NKAIN2: variants seen among roughly 807,000 people sequenced by gnomAD.
NKAIN2 encodes the protein sodium/potassium-transporting ATPase subunit beta-1-interacting protein 2.
Under a neutral mutation model 32.6 loss-of-function variants are expected in NKAIN2, and 14 were observed. That is an observed-to-expected ratio of 0.43 (90% CI 0.28 to 0.67). The LOEUF is 0.67. NKAIN2 is among the 30% of genes least tolerant of loss of function. NKAIN2 has a pLI of 0.17. For synonymous variants in NKAIN2, 80 were observed against 87.2 expected (o/e 0.92, Z 0.46); for missense variants, 198 against 258.3 (o/e 0.77, Z 1.60).
intron 1 of NKAIN2, among the ~76,000 whole-genome samples, chr6:124,235,052 G>A (rs1367839249): frequency 6.6e-6 from 1 of 152,056 alleles, no homozygotes; most frequent in African/African-American, 2.4e-5. Context: ...CCTACTTTCT[G>A]GCCAAAGCTT....
At chr6:124,346,832 A>G (rs1191828377) in intron 2 of NKAIN2, among the ~76,000 whole-genome samples, 1 of 151,920 alleles carries the variant, frequency 6.6e-6, no homozygotes, top group Admixed American at 6.5e-5. Context: ...TAGTCCATTT[A>G]CATTTAAAGT....
chr6:124,322,227 A>G (rs1797228383), intron 2 of NKAIN2, among the ~76,000 whole-genome samples: 1 of 152,196 alleles, frequency 6.6e-6, no homozygotes, highest in African/African-American at 2.4e-5. Flanking sequence ...GAAGGTGATG[A>G]TTTAAAAAAT....
At chr6:124,371,666 C>T (rs569396535) in intron 3 of NKAIN2, among the ~76,000 whole-genome samples, 1 of 136,548 alleles carries the variant, frequency 7.3e-6, no homozygotes, top group African/African-American at 2.7e-5. Context: ...TGCACTCCAG[C>T]CTGGGGGAGA....
chr6:123,892,778 C>T (rs761608215), intron 1 of NKAIN2, among the ~76,000 whole-genome samples: 1 of 151,622 alleles, frequency 6.6e-6, no homozygotes, highest in Admixed American at 6.6e-5. Context: ...TACAGACTAG[C>T]ATGTACAGAT....
chr6:124,549,201 C>T (rs1171472107), intron 3 of NKAIN2, among the ~76,000 whole-genome samples: 4 of 152,178 alleles, frequency 2.6e-5, no homozygotes, highest in African/African-American at 9.6e-5. Context: ...CCCGTCTCTA[C>T]TAAAAATACA....
At position 124,622,918 on chromosome 6, in the gene NKAIN2, AG is replaced by A. The variant is rs146204491; in HGVS notation, c.274-35263del. 5.9e-3 allele frequency among the ~76,000 whole-genome samples: 892 copies of A among 152,108 alleles called. 14 individuals carry two copies. The highest frequency in any genetic ancestry group is 0.02 in the African/African-American group (846 of 41,464). ...TTCAGGGTTTATATGGGTACAGGAT[AG>A]GGGGTGTGGTGGACCAAAAGGCAAC... On this transcript the variant is annotated intron_variant, in intron 3 of 6. Transcript: ENST00000368417.
At chr6:124,766,988 T>TG (rs776288156) in intron 4 of NKAIN2, among the ~76,000 whole-genome samples, 32 of 152,106 alleles carry the variant, frequency 2.1e-4, no homozygotes, top group Non-Finnish European at 3.8e-4. Context: ...TCTGCCTCCC[T>TG]GGTTCAAGCA....
At chr6:124,564,098 G>A (rs999315095) in intron 3 of NKAIN2, among the ~76,000 whole-genome samples, 5 of 152,142 alleles carry the variant, frequency 3.3e-5, no homozygotes, top group Non-Finnish European at 7.3e-5. Context: ...TTCCACACTG[G>A]GTTTGAGGAA....
intron 1 of NKAIN2, among the ~76,000 whole-genome samples, chr6:123,973,899 T>C (rs566600748): frequency 1.1e-4 from 17 of 152,184 alleles, no homozygotes; most frequent in African/African-American, 3.9e-4. Context: ...GAGAATTTGT[T>C]CCAACGTAAA....
chr6:123,908,288 T>C (rs1774992879), intron 1 of NKAIN2, among the ~76,000 whole-genome samples: 1 of 152,112 alleles, frequency 6.6e-6, no homozygotes, highest in Non-Finnish European at 1.5e-5. Context: ...CTCCTTAAGA[T>C]TTGCTAGAAG....
rs535799875 is a variant in NKAIN2, at chr6:124,582,148, A to G, written c.274-76038A>G. On this transcript the variant is annotated intron_variant, in intron 3 of 6. Coordinates refer to ENST00000368417, the MANE Select transcript of NKAIN2 (RefSeq NM_001040214.3). ...CCAGACTGAGAAGAAAGCAAGGAAGATACAAATAAATAAAACCAGAGATAA... is the reference window on the plus strand; with the variant it reads ...CCAGACTGAGAAGAAAGCAAGGAAGGTACAAATAAATAAAACCAGAGATAA... Among the ~76,000 whole-genome samples, 239 of 152,262 alleles carry G rather than the reference A, an allele frequency of 1.6e-3. 1 individual carries two copies. The highest frequency in any genetic ancestry group is 5.3e-3 in the African/African-American group (221 of 41,572).
At chr6:123,849,662 G>T (rs1051457230) in intron 1 of NKAIN2, among the ~76,000 whole-genome samples, 3 of 152,130 alleles carry the variant, frequency 2.0e-5, no homozygotes, top group Non-Finnish European at 4.4e-5. Context: ...CTGGGGGTGG[G>T]TGCCAGTGTG....
chr6:124,153,164 C>A (rs1405615627), intron 1 of NKAIN2, among the ~76,000 whole-genome samples: 1 of 151,674 alleles, frequency 6.6e-6, no homozygotes, highest in Non-Finnish European at 1.5e-5. Flanking sequence ...GCACACAACA[C>A]CAAAAAAGAT....
intron 2 of NKAIN2, among the ~76,000 whole-genome samples, chr6:124,333,561 G>A (rs1389599450): frequency 1.3e-5 from 2 of 152,124 alleles, no homozygotes; most frequent in African/African-American, 4.8e-5. Flanking sequence ...TCAGGAGGCT[G>A]AGGCAGAAGA....
chr6:123,871,240 C>G (rs1326423614), intron 1 of NKAIN2, among the ~76,000 whole-genome samples: 5 of 152,092 alleles, frequency 3.3e-5, no homozygotes, highest in Non-Finnish European at 5.9e-5. Context: ...TTTTGTTTCT[C>G]TTTGGCTTTG....
rs9401765 is a variant in NKAIN2, at chr6:124,712,381, T to G, written c.474+53995T>G. Among the ~76,000 whole-genome samples the G allele has an allele frequency of 1.5e-3, 144 of 94,946 alleles. 6 individuals carry two copies. Among genetic ancestry groups the G allele is most frequent in the Non-Finnish European group, 2.0e-3 (89 of 45,296 alleles). 62.3% of individuals were successfully genotyped at this position (94,946 alleles called of 152,430 possible). ...CTTTCTGGCTGCTTTGTTTACCTAA[T>G]CAAGCCTGGGCAATGGCGGGCGCCC... On this transcript the variant is annotated intron_variant, in intron 4 of 6. Transcript: ENST00000368417.
Position 124,145,976 on chromosome 6 carries a change from T to G in NKAIN2, c.55-137029T>G, listed in dbSNP as rs1277586995. ...GAGTAGGTACATGAAACTATACATA[T>G]AATTGTGTGCAAATACACATAAATG... On this transcript the variant is annotated intron_variant, in intron 1 of 6. Coordinates refer to ENST00000368417, the MANE Select transcript of NKAIN2 (RefSeq NM_001040214.3). Among the ~76,000 whole-genome samples the G allele has an allele frequency of 2.0e-5, 3 of 150,622 alleles. No homozygotes were observed. In the East Asian group the frequency reaches 5.8e-4, roughly 29 times the overall value.
chr6:123,880,857 TA>T (rs907452621), intron 1 of NKAIN2, among the ~76,000 whole-genome samples: 3 of 152,226 alleles, frequency 2.0e-5, no homozygotes, highest in African/African-American at 7.2e-5. Flanking sequence ...CTATCTTTGA[TA>T]GAGTGGCAAA....
intron 1 of NKAIN2, among the ~76,000 whole-genome samples, chr6:123,959,757 G>C (rs1381281376): frequency 6.6e-6 from 1 of 151,218 alleles, no homozygotes; most frequent in Non-Finnish European, 1.5e-5. Flanking sequence ...TTCCCTAGAA[G>C]ACATGTCTCA....
Sources: allele counts gnomAD v4.1 joint callset (sites outside exome capture counted in the v4.1 genomes callset), GRCh38; gene constraint gnomAD v4.1.1; transcripts MANE v1.5; gene names NCBI Gene and HGNC (gene_info 2026-07-23, HGNC 2026-07-21).